TFDP1: variants seen among roughly 807,000 people sequenced by gnomAD.
TFDP1 encodes transcription factor Dp-1.
In TFDP1, 6 loss-of-function variants were observed where a neutral mutation model predicts 48.0. The ratio of observed to expected loss-of-function variants is 0.13; its 90% CI spans 0.07 to 0.25. TFDP1 has a LOEUF of 0.25. Among genes scored for constraint, TFDP1 ranks in the 10% least tolerant of loss-of-function variants. TFDP1 has a pLI of 1.00. For synonymous variants in TFDP1, 201 were observed against 211.6 expected, an observed-to-expected ratio of 0.95 and a Z score of 0.44; for missense variants, 335 against 543.0, an observed-to-expected ratio of 0.62 and a Z score of 3.81.
rs140090179 is a variant in TFDP1 at position 113,594,147 on chromosome 13, C to T, written c.12+8298C>T. On this transcript the variant is annotated intron_variant, in intron 2 of 11. Transcript: ENST00000375370. ...GCCCAGGTGATAGGTGTGGTGTGCG[C>T]GGGTCCTCAGCCGTGCCCAGGTGAC... Among the ~76,000 whole-genome samples the T allele has an allele frequency of 1.5e-3, 185 of 124,220 alleles. 5 individuals are homozygous for T. The East Asian group carries it at 0.04, about 27-fold the overall frequency. 81.5% of individuals were successfully genotyped at this position (124,220 alleles called of 152,430 possible).
At chr13:113,586,009 G>A (rs1006872936) in intron 2 of TFDP1, 160 bp downstream of exon 2, 2 of 783,254 alleles carry the variant, frequency 2.6e-6, no homozygotes, top group South Asian at 2.4e-5. Flanking sequence ...AAGATGGAAG[G>A]ATCTGATCTC....
chr13:113,608,707 G>T (rs111420641), intron 2 of TFDP1, among the ~76,000 whole-genome samples: 1 of 152,132 alleles, frequency 6.6e-6, no homozygotes, highest in Admixed American at 6.5e-5. Context: ...TTAACTTCTC[G>T]GTCTTACCCA....
At chr13:113,616,486 A>G (rs2048862587) in intron 3 of TFDP1, among the ~76,000 whole-genome samples, 1 of 152,300 alleles carries the variant, frequency 6.6e-6, no homozygotes, top group Admixed American at 6.5e-5. Context: ...CTGCGGCGCC[A>G]GGCCGGGTCC....
At chr13:113,587,288 T>C (rs958816529) in intron 2 of TFDP1, among the ~76,000 whole-genome samples, 6 of 151,830 alleles carry the variant, frequency 4.0e-5, no homozygotes, top group African/African-American at 1.2e-4. Context: ...AGGAACTGCA[T>C]AGGCACAGGG....
At position 113,585,781 on chromosome 13, in the gene TFDP1, A is replaced by G. The variant is rs2047988882; in HGVS notation, c.-57A>G. 2.1e-6 allele frequency: 3 copies of G among 1,405,748 alleles called. No individual in the cohort carries two copies. Among genetic ancestry groups the G allele is most frequent in the Non-Finnish European group, 2.8e-6 (3 of 1,052,730 alleles). The allele number at this position is 1,405,748 out of a possible 1,614,324, so 87.1% of individuals were successfully genotyped here. A position where few individuals can be genotyped will look rare whatever the true frequency, so the allele number is the denominator to read the frequency against. ...TTTTTTTTTTTTTACCAGAAAAATC[A>G]TTTTTCTTCTCTGGGAAGGTGAACA... On this transcript the variant is annotated 5_prime_UTR_variant, in exon 2 of 12. Coordinates refer to ENST00000375370, the MANE Select transcript of TFDP1 (RefSeq NM_007111.5).
intron 4 of TFDP1, among the ~76,000 whole-genome samples, chr13:113,626,132 C>CGTGTCCTCAGGTGTCTCTCAT (rs2049172767): frequency 6.7e-6 from 1 of 149,210 alleles, no homozygotes; most frequent in African/African-American, 2.6e-5. Flanking sequence ...GTGTCTCTCA[C>CGTGTCCTCAGGTGTCTCTCAT]GTGTCCTCAG....
intron 2 of TFDP1, among the ~76,000 whole-genome samples, chr13:113,589,037 G>A (rs1357519778): frequency 1.3e-5 from 2 of 152,024 alleles, no homozygotes; most frequent in Admixed American, 6.6e-5. Context: ...GTTGTGGGTG[G>A]AGAGTGAGTG....
chr13:113,637,530 T>C, intron 10 of TFDP1: 1 of 1,276,214 alleles, frequency 7.8e-7, no homozygotes, highest in South Asian at 1.4e-5. Context: ...CGTTTCACGA[T>C]GGGTATGATA....
chr13:113,588,683 T>C (rs1267563258), intron 2 of TFDP1, among the ~76,000 whole-genome samples: 1 of 151,796 alleles, frequency 6.6e-6, no homozygotes, highest in Non-Finnish European at 1.5e-5. Context: ...TGATCAGTGA[T>C]GGTGTAGTAG....
intron 3 of TFDP1, among the ~76,000 whole-genome samples, chr13:113,617,700 A>G (rs1356367243): frequency 6.6e-6 from 1 of 152,158 alleles, no homozygotes; most frequent in Non-Finnish European, 1.5e-5. Context: ...GCTCACCTGC[A>G]GAGGGGTTGT....
In TFDP1 at chr13:113,623,124, G is replaced by A; in HGVS notation, c.80-56G>A. The A allele has an allele frequency of 4.0e-6, 6 of 1,494,750 alleles. No individual in the cohort carries two copies. Among genetic ancestry groups the A allele is most frequent in the Non-Finnish European group, 3.7e-6 (4 of 1,088,364 alleles). 92.6% of individuals were successfully genotyped at this position (1,494,750 alleles called of 1,614,324 possible). On this transcript the variant is annotated intron_variant, in intron 3 of 11. Transcript: ENST00000375370. This position sits in a 1 kb window ranked among gnomAD's most constrained non-coding sequence, Gnocchi z 5.2. ...CGTCTTGCATTTAGAATGGTCGCTT[G>A]TAGCCTTAACTTAGAAAAGGAGTCT...
At chr13:113,614,424 C>T (rs994254757) in intron 3 of TFDP1, among the ~76,000 whole-genome samples, 3 of 152,148 alleles carry the variant, frequency 2.0e-5, no homozygotes, top group East Asian at 1.9e-4. Context: ...GAGTTGCCCT[C>T]GGCGGTGCCA....
In TFDP1 at chr13:113,634,038, C is replaced by T. The variant is rs867057299; in HGVS notation, c.618+5C>T. On this transcript the variant is annotated splice_donor_5th_base_variant and intron_variant, in intron 7 of 11. Transcript: ENST00000375370. ...CAGGAATGTCAGAACTTAGAGGTGC[C>T]CCTTCAGCCTTCCTTCAACCTTGAT... 2.7e-5 allele frequency: 43 copies of T among 1,614,024 alleles called. No individual in the cohort carries two copies. The highest frequency in any genetic ancestry group is 3.6e-5 in the Non-Finnish European group (42 of 1,180,034).
chr13:113,601,050 T>C (rs1308603362), intron 2 of TFDP1, among the ~76,000 whole-genome samples: 1 of 152,214 alleles, frequency 6.6e-6, no homozygotes, highest in East Asian at 1.9e-4. Context: ...GCCTTCACGC[T>C]GTCCTGGATC....
At position 113,633,089 on chromosome 13, in the gene TFDP1, A is replaced by C; in HGVS notation, c.309-31A>C. On this transcript the variant is annotated intron_variant, in intron 5 of 11. Transcript: ENST00000375370. This position sits in a 1 kb window ranked among gnomAD's most constrained non-coding sequence, Gnocchi z 4.5. ...CAGGCTGATCCTCAGGAGGGCTGACAGTCGCTTCTCTTTTCCTTTGTATTT... is the reference window on the plus strand; with the variant it reads ...CAGGCTGATCCTCAGGAGGGCTGACCGTCGCTTCTCTTTTCCTTTGTATTT... 2 of 1,613,142 alleles carry C rather than the reference A, an allele frequency of 1.2e-6. No homozygotes were observed. The highest frequency in any genetic ancestry group is 1.3e-5 in the African/African-American group (1 of 74,956).
chr13:113,614,233 TGA>T (rs764429071), intron 3 of TFDP1, among the ~76,000 whole-genome samples: 11 of 151,836 alleles, frequency 7.2e-5, no homozygotes, highest in South Asian at 2.1e-4. Flanking sequence ...TGTGCGTGTG[TGA>T]GTTGAGTGTG....
intron 3 of TFDP1, among the ~76,000 whole-genome samples, chr13:113,615,720 A>G (rs2048839867): frequency 1.3e-5 from 2 of 152,188 alleles, no homozygotes; most frequent in Admixed American, 6.5e-5. Context: ...TCTGGGCAAC[A>G]ACGGGAGACC....
In TFDP1 at chr13:113,631,634, G is replaced by A. The variant is rs759064720; in HGVS notation, c.198G>A (p.Thr66=). 3.3e-5 allele frequency: 53 copies of A among 1,613,698 alleles called. No individual in the cohort carries two copies. The highest frequency in any genetic ancestry group is 4.0e-5 in the Non-Finnish European group (47 of 1,179,882). The part of the protein sequence containing the change: ...VNIAQQVVIG[T]PQRPAASNTL... ...TTTTTCGACTGTAGGTAATTGGTAC[G>A]CCTCAGAGACCGGCAGCGTCAAACA... Residue 66 remains threonine (T), a synonymous_variant, in exon 5 of 12, where the codon ACG becomes ACA. Transcript: ENST00000375370.
chr13:113,633,822 GGTCT>G lies in TFDP1; in HGVS notation c.475-67_475-64del. 1 of 1,542,578 alleles carries G rather than the reference GGTCT, an allele frequency of 6.5e-7. No individual in the cohort carries two copies. Among genetic ancestry groups the G allele is most frequent in the Non-Finnish European group, 8.7e-7 (1 of 1,142,900 alleles). ...GGTGCCCCTTTGAGCCAGTGCCCATGGTCTACAGTTTAAGGATCCACCGGCCTTT... is the reference window on the plus strand; with the variant it reads ...GGTGCCCCTTTGAGCCAGTGCCCATGACAGTTTAAGGATCCACCGGCCTTT... On this transcript the variant is annotated intron_variant, in intron 6 of 11. Transcript: ENST00000375370. The surrounding 1 kb of genome is among the most constrained non-coding windows in gnomAD (Gnocchi z 4.5).
Sources: allele counts gnomAD v4.1 joint callset (sites outside exome capture counted in the v4.1 genomes callset), GRCh38; gene constraint gnomAD v4.1.1; non-coding constraint Gnocchi (gnomAD v3.1); transcripts MANE v1.5; gene names NCBI Gene and HGNC (gene_info 2026-07-23, HGNC 2026-07-21).